Variants in PARN observed in about 807,000 individuals in gnomAD.
PARN encodes the protein poly(A)-specific ribonuclease.
PARN carries 71 observed loss-of-function variants against 102.8 expected under a neutral mutation model. That is an observed-to-expected ratio of 0.69 (90% CI 0.57 to 0.84). The LOEUF (loss-of-function observed/expected upper bound fraction) is 0.84. Ranked by LOEUF, PARN falls within the 40% of genes least tolerant of loss-of-function variation. The pLI, the probability that PARN is intolerant of heterozygous loss-of-function variation, is 0.00. For synonymous variants in PARN, 261 were observed against 252.9 expected, an observed-to-expected ratio of 1.03 and a Z score of -0.30; for missense variants, 782 against 760.9, an observed-to-expected ratio of 1.03 and a Z score of -0.33.
intron 18 of PARN, among the ~76,000 whole-genome samples, chr16:14,555,971 T>G (rs1376207297): frequency 2.0e-5 from 3 of 151,996 alleles, no homozygotes; most frequent in Non-Finnish European, 4.4e-5. Flanking sequence ...GTTAAGTGGT[T>G]CTTCTGCCTC....
At chr16:14,575,234 G>C (rs370806942) in intron 18 of PARN, among the ~76,000 whole-genome samples, 3 of 152,206 alleles carry the variant, frequency 2.0e-5, no homozygotes, top group Non-Finnish European at 2.9e-5. Flanking sequence ...TGTGAGAAGA[G>C]GGCCACTGTC....
chr16:14,615,161 A>G (rs1022089970), intron 6 of PARN, among the ~76,000 whole-genome samples: 1 of 152,220 alleles, frequency 6.6e-6, no homozygotes, highest in Non-Finnish European at 1.5e-5. Context: ...GATTTAGAGC[A>G]TATCAACAAC....
chr16:14,525,072 G>T (rs578100091), intron 21 of PARN, among the ~76,000 whole-genome samples: 1 of 152,152 alleles, frequency 6.6e-6, no homozygotes, highest in Non-Finnish European at 1.5e-5. Context: ...AAATTTCCTT[G>T]TTTCAGTTTG....
intron 21 of PARN, among the ~76,000 whole-genome samples, chr16:14,547,854 CTATA>C (rs1254138981): frequency 6.6e-6 from 1 of 152,098 alleles, no homozygotes; most frequent in Non-Finnish European, 1.5e-5. Flanking sequence ...TTATAAGCTG[CTATA>C]TAAATAGGCA....
chr16:14,577,553 C>CA (rs1969220537), intron 18 of PARN, among the ~76,000 whole-genome samples: 1 of 152,060 alleles, frequency 6.6e-6, no homozygotes, highest in South Asian at 2.1e-4. Context: ...AGGCTGCTCT[C>CA]AAACTCCTGG....
intron 6 of PARN, among the ~76,000 whole-genome samples, chr16:14,614,186 G>A (rs1367612163): frequency 1.3e-5 from 2 of 152,042 alleles, no homozygotes; most frequent in African/African-American, 2.4e-5. Flanking sequence ...GGGCCCAGGA[G>A]GTCAAGGCTG....
Position 14,450,535 on chromosome 16 carries a change from C to CAT in PARN, c.1671-3456_1671-3455dup, listed in dbSNP as rs554546406. Among the ~76,000 whole-genome samples, 310 of 151,732 alleles carry CAT rather than the reference C, an allele frequency of 2.0e-3. 4 individuals are homozygous for CAT. In the South Asian group the frequency reaches 0.026, roughly 13 times the overall value. On this transcript the variant is annotated intron_variant, in intron 22 of 23. Transcript: ENST00000437198. ...ATTTATGTATACACACACACACACA[C>CAT]ATATATATATACGTATATTTATGCA...
At chr16:14,530,741 G>A (rs1180746234) in intron 21 of PARN, among the ~76,000 whole-genome samples, 2 of 151,942 alleles carry the variant, frequency 1.3e-5, no homozygotes, top group Non-Finnish European at 2.9e-5. Flanking sequence ...TCTCTTCTCG[G>A]CTATCCCAGA....
Position 14,608,277 on chromosome 16 carries a change from T to G in PARN, c.659+4A>C. On this transcript the variant is annotated splice_donor_region_variant and intron_variant, in intron 9 of 23. Transcript: ENST00000437198. Reference sequence around the variant, plus strand: ...GAGCTGCTGCATACAATATAAATACTTACTTCCAGCTCAAAGTCTGATAAA... The same window carrying G: ...GAGCTGCTGCATACAATATAAATACGTACTTCCAGCTCAAAGTCTGATAAA... 6.5e-7 allele frequency: 1 copy of G among 1,530,446 alleles called. No homozygotes were observed. Among genetic ancestry groups the G allele is most frequent in the Non-Finnish European group, 8.9e-7 (1 of 1,129,842 alleles). 94.8% of individuals were successfully genotyped at this position (1,530,446 alleles called of 1,614,324 possible).
At chr16:14,622,949 C>T (rs1341794757) in intron 5 of PARN, among the ~76,000 whole-genome samples, 3 of 151,864 alleles carry the variant, frequency 2.0e-5, no homozygotes, top group African/African-American at 7.3e-5. Flanking sequence ...ACAAAAAATA[C>T]AAAAATTAGC....
At chr16:14,543,378 G>T (rs1394606657) in intron 21 of PARN, among the ~76,000 whole-genome samples, 1 of 152,214 alleles carries the variant, frequency 6.6e-6, no homozygotes, top group African/African-American at 2.4e-5. Context: ...CTTCAGGCAT[G>T]AATGAGGAAC....
chr16:14,463,348 T>C (rs1406440894), intron 22 of PARN, among the ~76,000 whole-genome samples: 1 of 150,976 alleles, frequency 6.6e-6, no homozygotes, highest in Non-Finnish European at 1.5e-5. Context: ...TTATAATATA[T>C]GGTAAAATTT....
intron 7 of PARN, among the ~76,000 whole-genome samples, 192 bp downstream of exon 7, chr16:14,610,452 A>C (rs931972194): frequency 4.0e-5 from 6 of 151,808 alleles, no homozygotes; most frequent in African/African-American, 1.5e-4. Context: ...CAGCCTGGGC[A>C]AAAGAGCAAG....
In PARN at chr16:14,608,285, A is replaced by C. The variant is rs1971316192; in HGVS notation, c.655T>G (p.Trp219Gly). 6 of 1,537,636 alleles carry C rather than the reference A, an allele frequency of 3.9e-6. No homozygotes were observed. Among genetic ancestry groups the C allele is most frequent in the Non-Finnish European group, 5.3e-6 (6 of 1,136,212 alleles). ...QRKLIYQTLSWKYPKGIHVET... is the reference protein window; with the variant it reads ...QRKLIYQTLSGKYPKGIHVET... The stretch of plus-strand genomic sequence containing the variant: ...GCATACAATATAAATACTTACTTCC[A>C]GCTCAAAGTCTGATAAATTAGTTTT... Residue 219 changes from tryptophan to glycine, a missense_variant, in exon 9 of 24, where the codon TGG (tryptophan) becomes GGG (glycine). By Grantham distance (184) the Trp-to-Gly change is radical. Transcript: ENST00000437198.
chr16:14,542,324 T>C (rs986726018), intron 21 of PARN, among the ~76,000 whole-genome samples: 4 of 151,676 alleles, frequency 2.6e-5, no homozygotes, highest in South Asian at 2.1e-4. Flanking sequence ...TTTTCTTCTT[T>C]TTTTAACTTT....
chr16:14,541,073 T>C (rs184733871), intron 21 of PARN, among the ~76,000 whole-genome samples: 4 of 151,778 alleles, frequency 2.6e-5, no homozygotes, highest in Admixed American at 2.0e-4. Context: ...AGTGGATCGC[T>C]TGATCTCAGG....
intron 21 of PARN, among the ~76,000 whole-genome samples, chr16:14,524,379 A>G (rs1965890098): frequency 6.6e-6 from 1 of 152,176 alleles, no homozygotes; most frequent in Non-Finnish European, 1.5e-5. Flanking sequence ...TTCCTGTCCA[A>G]ACATGAATTA....
chr16:14,453,245 G>A (rs568173982), intron 22 of PARN, among the ~76,000 whole-genome samples: 40 of 152,314 alleles, frequency 2.6e-4, no homozygotes, highest in Admixed American at 1.2e-3. Flanking sequence ...ATTAAACTTT[G>A]ATTAGTGTTT....
intron 18 of PARN, among the ~76,000 whole-genome samples, chr16:14,568,442 T>TAA (rs35069693): frequency 1.3e-4 from 18 of 137,012 alleles, no homozygotes; most frequent in South Asian, 9.4e-4. Flanking sequence ...ATGAAAAACT[T>TAA]AAAAAAAAAA....
Sources: allele counts gnomAD v4.1 joint callset (sites outside exome capture counted in the v4.1 genomes callset), GRCh38; gene constraint gnomAD v4.1.1; transcripts MANE v1.5; gene names NCBI Gene and HGNC (gene_info 2026-07-23, HGNC 2026-07-21).